Variants in SLC8A1 observed in about 807,000 individuals in gnomAD.
SLC8A1 encodes solute carrier family 8 member A1.
In SLC8A1, 18 loss-of-function variants were observed where a neutral mutation model predicts 68.3. That is an observed-to-expected ratio of 0.26 (90% CI 0.18 to 0.39). SLC8A1 has a LOEUF of 0.39. Ranked by LOEUF, SLC8A1 falls within the 10% of genes least tolerant of loss-of-function variation. The probability of loss-of-function intolerance (pLI) is 1.00; values close to 1 mark genes in which losing one functional copy is unlikely to be tolerated. For missense variants in SLC8A1, 985 were observed against 1,156.7 expected, an observed-to-expected ratio of 0.85 and a Z score of 2.15; for synonymous variants, 475 against 415.5, an observed-to-expected ratio of 1.14 and a Z score of -1.74.
chr2:40,368,612 T>C (rs531408580), intron 2 of SLC8A1, among the ~76,000 whole-genome samples: 1 of 152,228 alleles, frequency 6.6e-6, no homozygotes, highest in South Asian at 2.1e-4. Flanking sequence ...AACTTTTAAG[T>C]TCAAGTGGTA....
At chr2:40,102,557 T>G (rs2033959285) in exon 8 of SLC8A1, 1 of 152,128 alleles carries the variant, frequency 6.6e-6, no homozygotes, top group Non-Finnish European at 1.5e-5. Flanking sequence ...TGTGGGTCAA[T>G]CCAAGAGGCG....
rs567766716 is a variant in SLC8A1, at chr2:40,122,240, A to G, written c.2438-6611T>C. Among the ~76,000 whole-genome samples, 1,294 of 151,654 alleles carry G rather than the reference A, an allele frequency of 8.5e-3. 9 individuals are homozygous for G. The highest frequency in any genetic ancestry group is 0.025 in the East Asian group (127 of 5,028). On this transcript the variant is annotated intron_variant, in intron 7 of 7. Coordinates refer to ENST00000406785, the Ensembl canonical transcript of SLC8A1. Reference sequence around the variant, plus strand: ...CACACACACACGTGTGCGCGCGCACACACACACACACACTTCACTGGTTCA... The same window carrying G: ...CACACACACACGTGTGCGCGCGCACGCACACACACACACTTCACTGGTTCA...
At chr2:40,239,112 A>G (rs765055438) in intron 2 of SLC8A1, among the ~76,000 whole-genome samples, 8 of 152,212 alleles carry the variant, frequency 5.3e-5, no homozygotes, top group Admixed American at 3.3e-4. Context: ...GCCAACTAGA[A>G]TCTGACTACA....
chr2:40,293,459 C>G (rs981647029), intron 2 of SLC8A1, among the ~76,000 whole-genome samples: 2 of 152,090 alleles, frequency 1.3e-5, no homozygotes, highest in Non-Finnish European at 2.9e-5. Context: ...AAACTTGGAG[C>G]TTTAGAGTTT....
chr2:40,395,152 C>T (rs1576062253), intron 2 of SLC8A1, among the ~76,000 whole-genome samples: 1 of 152,102 alleles, frequency 6.6e-6, no homozygotes, highest in African/African-American at 2.4e-5. Context: ...GGAACAACAA[C>T]AAAAGCAACA....
intron 2 of SLC8A1, among the ~76,000 whole-genome samples, chr2:40,272,163 T>C (rs897236535): frequency 2.0e-5 from 3 of 152,212 alleles, no homozygotes; most frequent in African/African-American, 7.2e-5. Flanking sequence ...CCACTGCACC[T>C]GGCCAAAACT....
chr2:40,482,945 C>A (rs1244812761), intron 1 of SLC8A1, among the ~76,000 whole-genome samples: 1 of 150,334 alleles, frequency 6.7e-6, no homozygotes, highest in South Asian at 2.1e-4. Flanking sequence ...CGCCCGCCAC[C>A]ACGCCCGGCT....
At chr2:40,483,989 G>C (rs1201125833) in intron 1 of SLC8A1, among the ~76,000 whole-genome samples, 2 of 152,174 alleles carry the variant, frequency 1.3e-5, no homozygotes, top group Admixed American at 1.3e-4. Context: ...GCTGAACTTA[G>C]TCCTAATGGA....
intron 2 of SLC8A1, among the ~76,000 whole-genome samples, chr2:40,406,705 A>G (rs573376306): frequency 4.5e-4 from 69 of 152,312 alleles, no homozygotes; most frequent in African/African-American, 1.5e-3. Flanking sequence ...GAGGTCAGCC[A>G]TGGAGGAAGC....
At chr2:40,403,084 G>A (rs1273672630) in intron 2 of SLC8A1, among the ~76,000 whole-genome samples, 1 of 151,976 alleles carries the variant, frequency 6.6e-6, no homozygotes, top group African/African-American at 2.4e-5. Flanking sequence ...TACACATAAC[G>A]AACACCACAT....
At chr2:40,275,035 C>G (rs975872025) in intron 2 of SLC8A1, among the ~76,000 whole-genome samples, 3 of 152,162 alleles carry the variant, frequency 2.0e-5, no homozygotes, top group African/African-American at 7.2e-5. Flanking sequence ...GCATTTTTAG[C>G]TAAAATGCAA....
chr2:40,287,712 G>A (rs952574879), intron 2 of SLC8A1, among the ~76,000 whole-genome samples: 1 of 151,584 alleles, frequency 6.6e-6, no homozygotes, highest in African/African-American at 2.4e-5. Context: ...GGAGGATGAG[G>A]GATAGGGACT....
chr2:40,192,738 C>G (rs539839127), intron 2 of SLC8A1, among the ~76,000 whole-genome samples: 1 of 152,012 alleles, frequency 6.6e-6, no homozygotes, highest in Admixed American at 6.6e-5. Flanking sequence ...GTCCTGAATA[C>G]TTTTTTTTAT....
rs2041204715 is a variant in SLC8A1 at position 40,139,750 on chromosome 2, A to T, written c.2162-74T>A. On this transcript the variant is annotated intron_variant, in intron 6 of 7. Coordinates refer to ENST00000406785, the Ensembl canonical transcript of SLC8A1. Reference sequence around the variant, plus strand: ...GTCTTCCTCTCTCTCAATCTCTCCTATCTAGGTCGGTCATCCCTCCACTCT... The same window carrying T: ...GTCTTCCTCTCTCTCAATCTCTCCTTTCTAGGTCGGTCATCCCTCCACTCT... 3 of 1,513,444 alleles carry T rather than the reference A, an allele frequency of 2.0e-6. No homozygotes were observed. In the South Asian group the frequency reaches 3.8e-5, roughly 19 times the overall value. The allele number at this position is 1,513,444 out of a possible 1,614,324, so 93.8% of individuals were successfully genotyped here. A position where few individuals can be genotyped will look rare whatever the true frequency, so the allele number is the denominator to read the frequency against.
intron 1 of SLC8A1, among the ~76,000 whole-genome samples, chr2:40,438,880 C>T (rs529344671): frequency 2.6e-5 from 4 of 152,188 alleles, no homozygotes; most frequent in South Asian, 2.1e-4. Context: ...GCAGAAAGAG[C>T]AGAACTGAGT....
chr2:40,301,713 T>C (rs1466323512), intron 2 of SLC8A1, among the ~76,000 whole-genome samples: 6 of 152,194 alleles, frequency 3.9e-5, no homozygotes, highest in Non-Finnish European at 8.8e-5. Context: ...GGTCCAGATA[T>C]GGAAAGTTCC....
intron 2 of SLC8A1, among the ~76,000 whole-genome samples, chr2:40,215,423 G>T (rs1479324236): frequency 6.6e-6 from 1 of 151,980 alleles, no homozygotes; most frequent in Non-Finnish European, 1.5e-5. Flanking sequence ...GGATCATGAG[G>T]TCAGGAGATC....
At chr2:40,374,365 A>G (rs1405995203) in intron 2 of SLC8A1, among the ~76,000 whole-genome samples, 1 of 151,866 alleles carries the variant, frequency 6.6e-6, no homozygotes, top group African/African-American at 2.4e-5. Context: ...ATATATATTT[A>G]TATTAAAAAC....
At chr2:40,340,044 G>A (rs916281563) in intron 2 of SLC8A1, among the ~76,000 whole-genome samples, 4 of 152,080 alleles carry the variant, frequency 2.6e-5, no homozygotes, top group Admixed American at 1.3e-4. Flanking sequence ...GAATACAAAT[G>A]TTCATATGCA....
Sources: allele counts gnomAD v4.1 joint callset (sites outside exome capture counted in the v4.1 genomes callset), GRCh38; gene constraint gnomAD v4.1.1; transcripts MANE v1.5; gene names NCBI Gene and HGNC (gene_info 2026-07-23, HGNC 2026-07-21).